The following NLRX1 variants were observed in gnomAD, a reference collection of about 807,000 sequenced individuals.
The protein encoded by NLRX1 is NLR family member X1, also known as NOD-like receptor X1.
NLRX1 carries 67 observed loss-of-function variants against 74.2 expected under a neutral mutation model. That is an observed-to-expected ratio of 0.90 (90% CI 0.74 to 1.11). The LOEUF (loss-of-function observed/expected upper bound fraction) is 1.11, where lower values mean the gene tolerates loss of function less well. Ranked by LOEUF, NLRX1 falls within the 50% of genes least tolerant of loss-of-function variation. The pLI, the probability that NLRX1 is intolerant of heterozygous loss-of-function variation, is 0.00. For missense variants in NLRX1, 1,191 were observed against 1,305.4 expected, an observed-to-expected ratio of 0.91 and a Z score of 1.35; for synonymous variants, 506 against 559.1, an observed-to-expected ratio of 0.91 and a Z score of 1.34.
rs1948614344 is a variant in NLRX1 at position 119,173,754 on chromosome 11, G to A, written c.505G>A (p.Gly169Ser). ...GACAGTGGTGCTGTATGGGACAGTG[G>A]GCACAGGCAAGAGCACGCTGGTGCG... Reference protein sequence around the residue: ...VQTVVLYGTVGTGKSTLVRKM... With the variant: ...VQTVVLYGTVSTGKSTLVRKM... The change falls in exon 5 of 10, where the codon GGC becomes AGC. Residue 169 changes from glycine (G) to serine (S), a missense_variant. Transcript: ENST00000409109. The surrounding 1 kb of genome is among the most constrained non-coding windows in gnomAD (Gnocchi z 4.0). 1 of 1,613,726 alleles carries A rather than the reference G, an allele frequency of 6.2e-7. No homozygotes were observed. The highest frequency in any genetic ancestry group is 1.7e-5 in the Admixed American group (1 of 60,018).
rs542155446 is a variant in NLRX1 at position 119,173,969 on chromosome 11, G to T, written c.720G>T (p.Val240=). The change falls in exon 5 of 10, where the codon GTG becomes GTT. Residue 240 remains valine, a synonymous_variant. Coordinates refer to ENST00000409109, the MANE Select transcript of NLRX1 (RefSeq NM_001282144.2). The surrounding 1 kb of genome is among the most constrained non-coding windows in gnomAD (Gnocchi z 4.0). ...CTGCTGGGTCCCACCTCCTCTTTGT[G>T]CTCCATGGCTTAGAGCATCTCAACC... ...MAAAGSHLLF[V]LHGLEHLNLD... 1.2e-5 allele frequency: 20 copies of T among 1,614,086 alleles called. No homozygotes were observed. In the African/African-American group the frequency reaches 1.7e-4, roughly 14 times the overall value.
rs548674514 is a variant in NLRX1 at position 119,173,200 on chromosome 11, A to G, written c.229+211A>G. The G allele has an allele frequency of 6.2e-5, 38 of 614,144 alleles. No individual in the cohort carries two copies. The highest frequency in any genetic ancestry group is 1.0e-4 in the Non-Finnish European group (35 of 347,544). 38.0% of individuals were successfully genotyped at this position (614,144 alleles called of 1,614,324 possible). A position where few individuals can be genotyped will look rare whatever the true frequency, so the allele number is the denominator to read the frequency against. Reference sequence around the variant, plus strand: ...ATATGTACAAAGCGCTAGGAGAGCCATACCATCCCTATGCTCAACAAAGTT... The same window carrying G: ...ATATGTACAAAGCGCTAGGAGAGCCGTACCATCCCTATGCTCAACAAAGTT... On this transcript the variant is annotated intron_variant, in intron 4 of 9. Coordinates refer to ENST00000409109, the MANE Select transcript of NLRX1 (RefSeq NM_001282144.2). This position sits in a 1 kb window ranked among gnomAD's most constrained non-coding sequence, Gnocchi z 4.0.
rs1229568845 is a variant in NLRX1 at position 119,173,986 on chromosome 11, A to T, written c.737A>T (p.His246Leu). Residue 246 changes from histidine to leucine, a missense_variant, in exon 5 of 10, where the codon CAT becomes CTT. His to Leu is a moderately conservative substitution (Grantham distance 99). Transcript: ENST00000409109. This position sits in a 1 kb window ranked among gnomAD's most constrained non-coding sequence, Gnocchi z 4.0. ...CTCTTTGTGCTCCATGGCTTAGAGC[A>T]TCTCAACCTCGACTTCCGGCTGGCA... The part of the protein sequence containing the change: ...HLLFVLHGLE[H>L]LNLDFRLAGT... 1 of 1,614,144 alleles carries T rather than the reference A, an allele frequency of 6.2e-7. No homozygotes were observed. The highest frequency in any genetic ancestry group is 1.7e-5 in the Admixed American group (1 of 60,024).
intron 6 of NLRX1, among the ~76,000 whole-genome samples, chr11:119,178,206 A>C (rs918883467): frequency 1.3e-5 from 2 of 152,128 alleles, no homozygotes; most frequent in African/African-American, 4.8e-5. Flanking sequence ...AGTAAAAAAA[A>C]CCCAGATGTT....
upstream of NLRX1, chr11:119,168,625 T>G (rs966049070): frequency 2.8e-4 from 43 of 152,490 alleles, no homozygotes; most frequent in African/African-American, 9.4e-4. Context: ...TTTCTTCATC[T>G]GTAAAATGGG....
In NLRX1 at chr11:119,183,098, G is replaced by A. The variant is rs1948882932; in HGVS notation, c.2607-20G>A. 5.0e-6 allele frequency: 8 copies of A among 1,610,526 alleles called. No homozygotes were observed. Among genetic ancestry groups the A allele is most frequent in the East Asian group, 2.2e-5 (1 of 44,798 alleles). On this transcript the variant is annotated intron_variant, in intron 9 of 9. Transcript: ENST00000409109. This position sits in a 1 kb window ranked among gnomAD's most constrained non-coding sequence, Gnocchi z 5.7. ...TCTCAGAGCTCTACTGAATGGCATCGACTTTCTCTCTCCTGCCAGCCTCTA... is the reference window on the plus strand; with the variant it reads ...TCTCAGAGCTCTACTGAATGGCATCAACTTTCTCTCTCCTGCCAGCCTCTA...
intron 3 of NLRX1, 98 bp downstream of exon 3, chr11:119,172,523 T>G: frequency 7.7e-6 from 7 of 906,412 alleles, no homozygotes; most frequent in Admixed American, 1.9e-5. Context: ...TTGGGGACCT[T>G]GGGGAGGGGC....
At chr11:119,179,662 C>G (rs1194286278) in intron 6 of NLRX1, 31 bp from the exon 7 acceptor site, 22 of 1,559,336 alleles carry the variant, frequency 1.4e-5, no homozygotes, top group Non-Finnish European at 1.9e-5. Context: ...ACATGGAAGG[C>G]CACAGTGACT....
chr11:119,183,387 T>C lies in NLRX1; in HGVS notation c.2876T>C (p.Val959Ala), dbSNP rs1211269554. The change falls in exon 10 of 10, where the codon GTG (valine) becomes GCG (alanine). Residue 959 changes from valine to alanine, a missense_variant. Val to Ala is a moderately conservative substitution (Grantham distance 64). Coordinates refer to ENST00000409109, the MANE Select transcript of NLRX1 (RefSeq NM_001282144.2). The surrounding 1 kb of genome is among the most constrained non-coding windows in gnomAD (Gnocchi z 5.7). ...TGGCGCAAGGCCCAGCTGCTGCGAG[T>C]GGAGGGCGAGGTCAGGGCCCTCCTG... is the stretch of plus-strand genomic sequence containing the variant. ...NPWRKAQLLR[V>A]EGEVRALLEQ... 3 of 1,613,856 alleles carry C rather than the reference T, an allele frequency of 1.9e-6. No homozygotes were observed. The highest frequency in any genetic ancestry group is 2.7e-5 in the African/African-American group (2 of 74,914).
upstream of NLRX1, chr11:119,168,400 C>G (rs1239773826): frequency 1.3e-5 from 2 of 152,268 alleles, no homozygotes; most frequent in Non-Finnish European, 2.9e-5. Flanking sequence ...GGACCGGATA[C>G]ATAAGGCAGA....
At position 119,174,776 on chromosome 11, in the gene NLRX1, G is replaced by A; in HGVS notation, c.1173G>A (p.Gly391=). 6.2e-7 allele frequency: 1 copy of A among 1,613,820 alleles called. No homozygotes were observed. Among genetic ancestry groups the A allele is most frequent in the Non-Finnish European group, 8.5e-7 (1 of 1,180,034 alleles). The part of the protein sequence containing the change: ...LHFLHAPTPA[G]QTLTSIYTSF... ...TCCTGCATGCCCCCACGCCTGCTGG[G>A]CAGACCCTTACAAGCATCTATACCA... is the stretch of plus-strand genomic sequence containing the variant. The change falls in exon 6 of 10, where the codon GGG becomes GGA. Residue 391 remains glycine (G), a synonymous_variant. Coordinates refer to ENST00000409109, the MANE Select transcript of NLRX1 (RefSeq NM_001282144.2).
At position 119,183,371 on chromosome 11, in the gene NLRX1, G is replaced by A. The variant is rs751730092; in HGVS notation, c.2860G>A (p.Ala954Thr). ...TGCCACCCTTAATCCTTGGCGCAAG[G>A]CCCAGCTGCTGCGAGTGGAGGGCGA... ...RGATLNPWRK[A>T]QLLRVEGEVR... Residue 954 changes from alanine (A) to threonine (T), a missense_variant, in exon 10 of 10, where the codon GCC becomes ACC. Coordinates refer to ENST00000409109, the MANE Select transcript of NLRX1 (RefSeq NM_001282144.2). This position sits in a 1 kb window ranked among gnomAD's most constrained non-coding sequence, Gnocchi z 5.7. 8.7e-6 allele frequency: 14 copies of A among 1,614,064 alleles called. No individual in the cohort carries two copies. The South Asian group carries it at 1.3e-4, about 15-fold the overall frequency.
At position 119,174,878 on chromosome 11, in the gene NLRX1, A is replaced by G. The variant is rs1243418061; in HGVS notation, c.1275A>G (p.Ala425=). 9 of 1,613,966 alleles carry G rather than the reference A, an allele frequency of 5.6e-6. No individual in the cohort carries two copies. Among genetic ancestry groups the G allele is most frequent in the African/African-American group, 1.3e-5 (1 of 74,954 alleles). Residue 425 remains alanine, a synonymous_variant, in exon 6 of 10, where the codon GCA becomes GCG. Transcript: ENST00000409109. ...DPSNLSLMAY[A]ARTMGKLAYE... is the part of the protein sequence containing the mutation. ...CCAATTTGTCCCTGATGGCCTATGCAGCCCGAACCATGGGCAAGTTGGCCT... is the reference window on the plus strand; with the variant it reads ...CCAATTTGTCCCTGATGGCCTATGCGGCCCGAACCATGGGCAAGTTGGCCT...
chr11:119,177,629 C>CA (rs775651512), intron 6 of NLRX1: 5,289 of 107,426 alleles, frequency 0.049, 323 homozygotes, highest in African/African-American at 0.16. Context: ...CTCTGTCTCA[C>CA]AAAAAAAAAA....
At position 119,171,578 on chromosome 11, in the gene NLRX1, C is replaced by T. The variant is rs143104172; in HGVS notation, c.70+105C>T. ...ATCCAGACACCAGGTGCACTAGTCTCAGCTCCGTGGTTCTCTAGCTGTTGA... is the reference window on the plus strand; with the variant it reads ...ATCCAGACACCAGGTGCACTAGTCTTAGCTCCGTGGTTCTCTAGCTGTTGA... On this transcript the variant is annotated intron_variant, in intron 2 of 9. Coordinates refer to ENST00000409109, the MANE Select transcript of NLRX1 (RefSeq NM_001282144.2). 706 of 760,868 alleles carry T rather than the reference C, an allele frequency of 9.3e-4. 2 individuals are homozygous for T. The highest frequency in any genetic ancestry group is 3.7e-3 in the Middle Eastern group (14 of 3,804). 47.1% of individuals were successfully genotyped at this position (760,868 alleles called of 1,614,324 possible). A position where few individuals can be genotyped will look rare whatever the true frequency, so the allele number is the denominator to read the frequency against.
At chr11:119,172,221 A>G in intron 2 of NLRX1, 135 bp from the exon 3 acceptor site, 1 of 696,788 alleles carries the variant, frequency 1.4e-6, no homozygotes, top group Non-Finnish European at 2.6e-6. Flanking sequence ...ACAATGAAAT[A>G]TAAAATTGCA....
In NLRX1 at chr11:119,182,277, T is replaced by C. The variant is rs1041102933; in HGVS notation, c.2538T>C (p.Gly846=). The C allele has an allele frequency of 1.1e-5, 18 of 1,613,588 alleles. No individual in the cohort carries two copies. Among genetic ancestry groups the C allele is most frequent in the Non-Finnish European group, 1.5e-5 (18 of 1,180,028 alleles). The change falls in exon 9 of 10, where the codon GGT becomes GGC. Residue 846 remains glycine, a synonymous_variant. Coordinates refer to ENST00000409109, the MANE Select transcript of NLRX1 (RefSeq NM_001282144.2). ...QLQELNVAYN[G]AGDTAALALA... is the part of the protein sequence containing the mutation. ...AGGAGCTGAACGTGGCGTACAACGG[T>C]GCTGGTGACACAGCGGCCCTGGCCC...
At chr11:119,171,118 C>T (rs1592319382) in intron 1 of NLRX1, among the ~76,000 whole-genome samples, 1 of 151,910 alleles carries the variant, frequency 6.6e-6, no homozygotes, top group Non-Finnish European at 1.5e-5. Flanking sequence ...AACAGAGGGG[C>T]ACTCCATCTC....
rs1948603607 is a variant in NLRX1, at chr11:119,173,430, C to T, written c.230-49C>T. The T allele has an allele frequency of 6.3e-7, 1 of 1,579,114 alleles. No homozygotes were observed. The highest frequency in any genetic ancestry group is 8.6e-7 in the Non-Finnish European group (1 of 1,164,376). ...CACCGCCCTGATTGGCCCTAAGCTA[C>T]ATCTCCAGGCCCCTTTCCCTGACAC... On this transcript the variant is annotated intron_variant, in intron 4 of 9. Transcript: ENST00000409109. This position sits in a 1 kb window ranked among gnomAD's most constrained non-coding sequence, Gnocchi z 4.0.
Sources: gnomAD v4.1 joint callset for allele counts (sites outside exome capture counted in the v4.1 genomes callset) on GRCh38, gnomAD v4.1.1 for gene constraint, Gnocchi (gnomAD v3.1) non-coding constraint, MANE v1.5 for transcripts, NCBI Gene and HGNC (gene_info 2026-07-23, HGNC 2026-07-21) for gene names.